Variants in FAM20C observed in about 807,000 individuals in gnomAD.
The protein encoded by FAM20C is FAM20C golgi associated secretory pathway kinase, also known as extracellular serine/threonine protein kinase FAM20C.
In FAM20C, 40 loss-of-function variants were observed where a neutral mutation model predicts 51.5. The observed-to-expected ratio is 0.78, with a 90% CI of 0.60 to 1.01. The LOEUF (loss-of-function observed/expected upper bound fraction) is 1.01, where lower values mean the gene tolerates loss of function less well. Among genes scored for constraint, FAM20C ranks in the 50% least tolerant of loss-of-function variants. FAM20C has a pLI of 0.00. For synonymous variants in FAM20C, 406 were observed against 380.6 expected, an observed-to-expected ratio of 1.07 and a Z score of -0.78; for missense variants, 861 against 844.7, an observed-to-expected ratio of 1.02 and a Z score of -0.24.
rs1785619948 is a variant in FAM20C at position 192,792 on chromosome 7, C to G, written c.-408C>G. ...GAGAGGAGCGCGCTGAGGATCGGGA[C>G]GCCTGCGGCCGCCGCCACCGCCCAG... On this transcript the variant is annotated 5_prime_UTR_variant, in exon 1 of 10. Transcript: ENST00000313766. Among the ~76,000 whole-genome samples, 1 of 147,446 alleles carries G rather than the reference C, an allele frequency of 6.8e-6. No homozygotes were observed. Among genetic ancestry groups the G allele is most frequent in the East Asian group, 2.0e-4 (1 of 5,054 alleles).
chr7:237,343 A>C (rs1787877278), intron 3 of FAM20C, among the ~76,000 whole-genome samples: 3 of 152,248 alleles, frequency 2.0e-5, no homozygotes, highest in Non-Finnish European at 4.4e-5. Context: ...CGGCAGATAG[A>C]AAAGCTCACA....
rs1554254464 is a variant in FAM20C at position 243,944 on chromosome 7, A to AATTATTATT, written c.864-2461_864-2453dup. Among the ~76,000 whole-genome samples the AATTATTATT allele has an allele frequency of 8.4e-3, 1,148 of 136,814 alleles. 7 individuals are homozygous for AATTATTATT. The highest frequency in any genetic ancestry group is 0.033 in the Middle Eastern group (9 of 276). 89.8% of individuals were successfully genotyped at this position (136,814 alleles called of 152,430 possible). ...AAATAATAATAATAATAATAATAAT[A>AATTATTATT]ATTATTATTATTATTATTTGGAGAC... On this transcript the variant is annotated intron_variant, in intron 3 of 9. Coordinates refer to ENST00000313766, the MANE Select transcript of FAM20C (RefSeq NM_020223.4).
At chr7:212,736 G>T (rs1786781020) in intron 3 of FAM20C, among the ~76,000 whole-genome samples, 1 of 152,210 alleles carries the variant, frequency 6.6e-6, no homozygotes, top group South Asian at 2.1e-4. Flanking sequence ...ATCAACCCAA[G>T]CGCTCCTGGG....
chr7:218,644 C>G (rs957947902), intron 3 of FAM20C, among the ~76,000 whole-genome samples: 3 of 152,242 alleles, frequency 2.0e-5, no homozygotes, highest in African/African-American at 7.2e-5. Flanking sequence ...CACCACGTGG[C>G]CCAGCCGAGG....
chr7:228,174 T>TCCG (rs2115111158), intron 3 of FAM20C: 1 of 316,568 alleles, frequency 3.2e-6, no homozygotes, highest in African/African-American at 2.2e-5. Context: ...GGGAAAGCCA[T>TCCG]CCGCCTGGCA....
In FAM20C at chr7:193,757, G is replaced by A. The variant is rs1386203805; in HGVS notation, c.558G>A (p.Val186=). The A allele has an allele frequency of 1.3e-6, 2 of 1,550,078 alleles. No individual in the cohort carries two copies. Among genetic ancestry groups the A allele is most frequent in the Admixed American group, 3.9e-5 (2 of 51,264 alleles). The change falls in exon 1 of 10, where the codon GTG becomes GTA. Residue 186 remains valine, a synonymous_variant. Transcript: ENST00000313766. The part of the protein sequence containing the change: ...PLTEEDVLFN[V]NSDTRLSPKA... ...CGGAGGAGGACGTCCTGTTCAATGT[G>A]AACAGCGACACCAGGCTCAGCCCCA... is the stretch of plus-strand genomic sequence containing the variant.
chr7:215,045 T>G (rs556537869), intron 3 of FAM20C, among the ~76,000 whole-genome samples: 1 of 151,914 alleles, frequency 6.6e-6, no homozygotes, highest in African/African-American at 2.4e-5. Flanking sequence ...TAAACACTCC[T>G]CGTCACTACA....
rs149919664 is a variant in FAM20C, at chr7:251,161, G to A, written c.1072+2731G>A. On this transcript the variant is annotated intron_variant, in intron 5 of 9. Transcript: ENST00000313766. ...AAGGTCTTACTGAGTGGCCGGGCACGGCGGCTCACGCCTGCACTGAGTGGC... is the reference window on the plus strand; with the variant it reads ...AAGGTCTTACTGAGTGGCCGGGCACAGCGGCTCACGCCTGCACTGAGTGGC... Among the ~76,000 whole-genome samples, 932 of 136,938 alleles carry A rather than the reference G, an allele frequency of 6.8e-3. 1 individual carries two copies. The highest frequency in any genetic ancestry group is 0.011 in the South Asian group (48 of 4,486). The allele number at this position is 136,938 out of a possible 152,430, so 89.8% of individuals were successfully genotyped here. A position where few individuals can be genotyped will look rare whatever the true frequency, so the allele number is the denominator to read the frequency against.
chr7:214,033 T>C (rs181369381), intron 3 of FAM20C, among the ~76,000 whole-genome samples: 1 of 152,200 alleles, frequency 6.6e-6, no homozygotes, highest in Non-Finnish European at 1.5e-5. Context: ...TACTAAGTTT[T>C]AAGACGTCTT....
intron 2 of FAM20C, among the ~76,000 whole-genome samples, chr7:205,320 G>A (rs1281277696): frequency 6.6e-6 from 1 of 150,790 alleles, no homozygotes; most frequent in African/African-American, 2.4e-5. Context: ...TCAGCCCCCC[G>A]AGTAGCCGGG....
At chr7:241,852 G>GGT (rs1187498738) in intron 3 of FAM20C, among the ~76,000 whole-genome samples, 131 of 148,140 alleles carry the variant, frequency 8.8e-4, no homozygotes, top group African/African-American at 3.0e-3. Context: ...TGAGCGTGCA[G>GGT]GTGTGTGTGT....
At position 260,308 on chromosome 7, in the gene FAM20C, G is replaced by A. The variant is rs560613535; in HGVS notation, c.*328G>A. ...GATGAATAAGTATATAAACAGAGAC[G>A]TGTACACAGATGCCAATCACCTACC... On this transcript the variant is annotated 3_prime_UTR_variant, in exon 10 of 10. Coordinates refer to ENST00000313766, the MANE Select transcript of FAM20C (RefSeq NM_020223.4). The A allele has an allele frequency of 1.2e-4, 25 of 217,248 alleles. No homozygotes were observed. Among genetic ancestry groups the A allele is most frequent in the African/African-American group, 2.3e-4 (10 of 44,054 alleles). The allele number at this position is 217,248 out of a possible 1,614,324, so 13.5% of individuals were successfully genotyped here.
At chr7:240,276 G>T (rs1787896303) in intron 3 of FAM20C, among the ~76,000 whole-genome samples, 7 of 152,378 alleles carry the variant, frequency 4.6e-5, no homozygotes, top group African/African-American at 1.7e-4. Context: ...AATGATGGTG[G>T]AGGTGATGAT....
chr7:245,083 C>T (rs1788096658), intron 3 of FAM20C, among the ~76,000 whole-genome samples: 1 of 152,210 alleles, frequency 6.6e-6, no homozygotes. Flanking sequence ...GCGATGATGT[C>T]GGCCCGTGGC....
intron 7 of FAM20C, 82 bp downstream of exon 7, chr7:256,845 C>G: frequency 4.8e-6 from 7 of 1,449,594 alleles, no homozygotes; most frequent in Non-Finnish European, 3.7e-6. Flanking sequence ...AGGGCACACT[C>G]CGTGGCACGG....
chr7:199,550 T>A (rs1160096077), intron 2 of FAM20C, among the ~76,000 whole-genome samples: 1 of 152,240 alleles, frequency 6.6e-6, no homozygotes, highest in Non-Finnish European at 1.5e-5. Flanking sequence ...AATATTGTTG[T>A]AATGGAGAAC....
chr7:208,825 GC>G, intron 2 of FAM20C, 72 bp from the exon 3 acceptor site: 1 of 1,468,056 alleles, frequency 6.8e-7, no homozygotes, highest in Non-Finnish European at 9.3e-7. Context: ...GCAGCCAAGA[GC>G]CCTCGTCCGC....
intron 5 of FAM20C, 109 bp from the exon 6 acceptor site, chr7:255,740 C>T: frequency 8.3e-7 from 1 of 1,204,446 alleles, no homozygotes. Context: ...GTGAGTCCTG[C>T]CCATGAGAAG....
rs1229476872 is a variant in FAM20C at position 246,680 on chromosome 7, A to G, written c.956+173A>G. 5.7e-4 allele frequency among the ~76,000 whole-genome samples: 38 copies of G among 66,706 alleles called. 2 individuals carry two copies. Among genetic ancestry groups the G allele is most frequent in the African/African-American group, 1.2e-3 (34 of 27,240 alleles). 43.8% of individuals were successfully genotyped at this position (66,706 alleles called of 152,430 possible). ...AGTGCTGCCCTGAGCAGGGTCCTGT[A>G]TGTCATCGTCACCTTTGTCACCATC... On this transcript the variant is annotated intron_variant, in intron 4 of 9. Coordinates refer to ENST00000313766, the MANE Select transcript of FAM20C (RefSeq NM_020223.4).
Sources: gnomAD v4.1 joint callset for allele counts (sites outside exome capture counted in the v4.1 genomes callset) on GRCh38, gnomAD v4.1.1 for gene constraint, MANE v1.5 for transcripts, NCBI Gene and HGNC (gene_info 2026-07-23, HGNC 2026-07-21) for gene names.